The following CDH13 variants were observed in gnomAD, a reference collection of about 807,000 sequenced individuals.
CDH13 encodes cadherin-13.
In CDH13, 24 loss-of-function variants were observed where a neutral mutation model predicts 63.8. The observed-to-expected ratio is 0.38, with a 90% CI of 0.27 to 0.53. The LOEUF (loss-of-function observed/expected upper bound fraction) is 0.53. Among genes scored for constraint, CDH13 ranks in the 20% least tolerant of loss-of-function variants. The pLI is 0.85. For missense variants in CDH13, 1,049 were observed against 903.1 expected, an observed-to-expected ratio of 1.16 and a Z score of -2.07; for synonymous variants, 503 against 355.3, an observed-to-expected ratio of 1.42 and a Z score of -4.67.
intron 1 of CDH13, among the ~76,000 whole-genome samples, chr16:82,835,777 C>G (rs1205193660): frequency 6.6e-6 from 1 of 152,196 alleles, no homozygotes; most frequent in Non-Finnish European, 1.5e-5. Flanking sequence ...GATGATCAAT[C>G]CATATGCATG....
At chr16:83,746,787 G>A (rs1417876351) in intron 10 of CDH13, among the ~76,000 whole-genome samples, 1 of 152,176 alleles carries the variant, frequency 6.6e-6, no homozygotes, top group African/African-American at 2.4e-5. Flanking sequence ...CATTATCCAA[G>A]CCACCCAATT....
chr16:83,605,860 G>T (rs1163180795), intron 8 of CDH13, among the ~76,000 whole-genome samples: 1 of 152,160 alleles, frequency 6.6e-6, no homozygotes, highest in African/African-American at 2.4e-5. Flanking sequence ...AAAATACATG[G>T]TTAGGACCCT....
chr16:83,711,281 G>A (rs1272142646), intron 10 of CDH13, among the ~76,000 whole-genome samples: 1 of 152,206 alleles, frequency 6.6e-6, no homozygotes, highest in African/African-American at 2.4e-5. Context: ...AAAGCCTCCT[G>A]TGCTCATTGC....
chr16:83,739,372 G>GTGACC (rs1911846978), intron 10 of CDH13, among the ~76,000 whole-genome samples: 1 of 152,196 alleles, frequency 6.6e-6, no homozygotes, highest in African/African-American at 2.4e-5. Flanking sequence ...ACCCCACTGG[G>GTGACC]AGCAGACTCC....
intron 5 of CDH13, among the ~76,000 whole-genome samples, chr16:83,230,717 G>C (rs1450265645): frequency 2.0e-5 from 3 of 152,190 alleles, no homozygotes; most frequent in Non-Finnish European, 1.5e-5. Context: ...AACCCAGGAG[G>C]TGGAGGTAGT....
At chr16:83,786,660 T>C (rs9319447) in intron 13 of CDH13, among the ~76,000 whole-genome samples, 20,019 of 152,044 alleles carry the variant, frequency 0.13, 2,250 homozygotes, top group African/African-American at 0.31. Context: ...TCATCTCAGC[T>C]TACTGCAACC....
chr16:83,707,719 A>G (rs558342148), intron 10 of CDH13, among the ~76,000 whole-genome samples: 26 of 151,888 alleles, frequency 1.7e-4, no homozygotes, highest in Non-Finnish European at 3.2e-4. Flanking sequence ...CCGTTCAATA[A>G]AAAGTCATTG....
chr16:82,749,534 A>G (rs765084887), intron 1 of CDH13, among the ~76,000 whole-genome samples: 1 of 152,172 alleles, frequency 6.6e-6, no homozygotes, highest in Non-Finnish European at 1.5e-5. Flanking sequence ...TGTGCTACAG[A>G]TACAAAAACT....
At chr16:83,537,725 AT>A (rs2075221653) in intron 7 of CDH13, among the ~76,000 whole-genome samples, 1 of 152,198 alleles carries the variant, frequency 6.6e-6, no homozygotes, top group African/African-American at 2.4e-5. Context: ...AAATAAATCT[AT>A]ATTAGATTAC....
intron 1 of CDH13, among the ~76,000 whole-genome samples, chr16:82,695,648 A>G (rs1462487643): frequency 6.6e-6 from 1 of 152,178 alleles, no homozygotes; most frequent in African/African-American, 2.4e-5. Flanking sequence ...ACAGAAAGCT[A>G]CTGTGCTGAC....
chr16:83,207,003 A>G (rs772859781), intron 4 of CDH13, among the ~76,000 whole-genome samples: 3 of 152,244 alleles, frequency 2.0e-5, no homozygotes, highest in African/African-American at 7.2e-5. Flanking sequence ...CTGGAAAGCA[A>G]CATAAAAGCA....
chr16:82,916,101 A>G (rs2041978855), intron 2 of CDH13, among the ~76,000 whole-genome samples: 1 of 152,112 alleles, frequency 6.6e-6, no homozygotes, highest in Non-Finnish European at 1.5e-5. Context: ...ATTCCTTTTT[A>G]TTCTTGATTT....
chr16:83,142,568 C>G (rs543077734), intron 4 of CDH13, among the ~76,000 whole-genome samples: 4 of 152,200 alleles, frequency 2.6e-5, no homozygotes, highest in Non-Finnish European at 5.9e-5. Flanking sequence ...CAGGTCCTTC[C>G]TCATGTGTAG....
chr16:83,651,424 C>T (rs1256042775), intron 8 of CDH13, among the ~76,000 whole-genome samples: 1 of 151,898 alleles, frequency 6.6e-6, no homozygotes, highest in Non-Finnish European at 1.5e-5. Context: ...CATCATAATC[C>T]TGTAAGGGTA....
At chr16:83,026,322 G>T (rs760867561) in intron 2 of CDH13, among the ~76,000 whole-genome samples, 2 of 152,210 alleles carry the variant, frequency 1.3e-5, no homozygotes. Context: ...ACAGATCAGA[G>T]AAGGTTCTCG....
chr16:83,399,959 A>G (rs1307275051), intron 6 of CDH13, among the ~76,000 whole-genome samples: 1 of 152,158 alleles, frequency 6.6e-6, no homozygotes, highest in Non-Finnish European at 1.5e-5. Flanking sequence ...ACACCAAAAA[A>G]CCACCTATGT....
chr16:82,980,432 C>A (rs1433325904), intron 2 of CDH13, among the ~76,000 whole-genome samples: 1 of 152,166 alleles, frequency 6.6e-6, no homozygotes, highest in Non-Finnish European at 1.5e-5. Flanking sequence ...TTTCATCTAT[C>A]CAGAGCTGTA....
intron 10 of CDH13, among the ~76,000 whole-genome samples, chr16:83,716,325 C>T (rs918616465): frequency 3.3e-5 from 5 of 152,166 alleles, no homozygotes; most frequent in African/African-American, 1.2e-4. Context: ...TGTTGGAAAT[C>T]CCGTGGGTTT....
intron 4 of CDH13, among the ~76,000 whole-genome samples, chr16:83,212,434 A>C (rs2039366325): frequency 6.6e-6 from 1 of 152,132 alleles, no homozygotes; most frequent in Non-Finnish European, 1.5e-5. Context: ...CTCCACTTTC[A>C]TGCTTTCCTC....
Sources: allele counts gnomAD v4.1 joint callset (sites outside exome capture counted in the v4.1 genomes callset), GRCh38; gene constraint gnomAD v4.1.1; transcripts MANE v1.5; gene names NCBI Gene and HGNC (gene_info 2026-07-23, HGNC 2026-07-21).